The following CD2AP variants were observed in gnomAD, a reference collection of about 807,000 sequenced individuals.
CD2AP encodes CD2-associated protein.
CD2AP carries 46 observed loss-of-function variants against 85.1 expected under a neutral mutation model. That is an observed-to-expected ratio of 0.54 (90% CI 0.43 to 0.69). The LOEUF is 0.69. CD2AP is among the 30% of genes least tolerant of loss of function. The pLI is 0.00. For missense variants in CD2AP, 769 were observed against 729.5 expected (o/e 1.05, Z -0.62); for synonymous variants, 255 against 252.9 (o/e 1.01, Z -0.08).
intron 2 of CD2AP, among the ~76,000 whole-genome samples, chr6:47,510,549 T>C (rs984424570): frequency 1.3e-5 from 2 of 152,000 alleles, no homozygotes; most frequent in Admixed American, 1.3e-4. Flanking sequence ...GCTCCCAATA[T>C]CTAGAGCTGG....
At chr6:47,507,857 A>T (rs1238291851) in intron 2 of CD2AP, among the ~76,000 whole-genome samples, 1 of 152,228 alleles carries the variant, frequency 6.6e-6, no homozygotes, top group Non-Finnish European at 1.5e-5. Flanking sequence ...CTTCTTGTAC[A>T]TTTCCAACAG....
chr6:47,523,888 T>G (rs1191906838), intron 2 of CD2AP, among the ~76,000 whole-genome samples: 2 of 152,130 alleles, frequency 1.3e-5, no homozygotes, highest in Non-Finnish European at 2.9e-5. Context: ...GAAACAAAAG[T>G]CAAAGCAATA....
intron 1 of CD2AP, among the ~76,000 whole-genome samples, chr6:47,486,659 A>T (rs16875982): frequency 0.076 from 11,542 of 152,166 alleles, 457 homozygotes; most frequent in South Asian, 0.13. Context: ...ATCCTTTCAG[A>T]TGTGTACTTT....
Position 47,580,846 on chromosome 6 carries a change from C to A in CD2AP, c.1009-18C>A. ...ATATGAAACTGGTCAGCCGTTTCCA[C>A]CATTATTATTTTAACAGAAACCAAA... On this transcript the variant is annotated intron_variant, in intron 9 of 17. Transcript: ENST00000359314. 1 of 1,591,276 alleles carries A rather than the reference C, an allele frequency of 6.3e-7. No individual in the cohort carries two copies. Among genetic ancestry groups the A allele is most frequent in the Non-Finnish European group, 8.6e-7 (1 of 1,159,670 alleles).
intron 12 of CD2AP, among the ~76,000 whole-genome samples, chr6:47,596,986 A>T (rs953772186): frequency 6.6e-6 from 1 of 151,472 alleles, no homozygotes; most frequent in Non-Finnish European, 1.5e-5. Context: ...TCCAAGAAGA[A>T]TATAAACATG....
chr6:47,535,708 T>C (rs1032628600), intron 3 of CD2AP, among the ~76,000 whole-genome samples: 5 of 152,352 alleles, frequency 3.3e-5, no homozygotes, highest in African/African-American at 1.2e-4. Context: ...TGATGAATTC[T>C]GAAACTGCTT....
intron 2 of CD2AP, among the ~76,000 whole-genome samples, chr6:47,510,626 A>G (rs894508487): frequency 6.6e-6 from 1 of 152,222 alleles, no homozygotes; most frequent in Non-Finnish European, 1.5e-5. Context: ...AGTATACATG[A>G]GTCCATATTG....
intron 4 of CD2AP, among the ~76,000 whole-genome samples, chr6:47,546,214 G>A (rs892196112): frequency 2.6e-5 from 4 of 152,068 alleles, no homozygotes; most frequent in African/African-American, 9.7e-5. Context: ...GCAAAATGCT[G>A]TGGGAAGTTT....
intron 2 of CD2AP, among the ~76,000 whole-genome samples, chr6:47,519,543 G>T (rs1269341490): frequency 1.3e-5 from 2 of 152,182 alleles, no homozygotes; most frequent in East Asian, 3.8e-4. Context: ...TTCTGAAGAT[G>T]CTTCACCCTA....
intron 1 of CD2AP, among the ~76,000 whole-genome samples, chr6:47,486,340 A>C (rs1384567650): frequency 6.6e-6 from 1 of 152,186 alleles, no homozygotes; most frequent in Non-Finnish European, 1.5e-5. Flanking sequence ...GATGAATGTC[A>C]TGAATGTGTT....
chr6:47,613,310 A>G lies in CD2AP; in HGVS notation c.1878+774A>G, dbSNP rs1027512552. On this transcript the variant is annotated intron_variant, in intron 17 of 17. Transcript: ENST00000359314. ...ACATTTATCAGAGGAATCACTATCT[A>G]TGGCAGCTATAGCCTTCCAAAATGT... is the stretch of plus-strand genomic sequence containing the variant. Among the ~76,000 whole-genome samples, 12 of 152,184 alleles carry G rather than the reference A, an allele frequency of 7.9e-5. No individual in the cohort carries two copies. The South Asian group carries it at 1.0e-3, about 13-fold the overall frequency.
chr6:47,574,262 T>C lies in CD2AP; in HGVS notation c.729+11T>C, dbSNP rs368107857. 31 of 1,610,974 alleles carry C rather than the reference T, an allele frequency of 1.9e-5. No individual in the cohort carries two copies. The highest frequency in any genetic ancestry group is 2.5e-5 in the Non-Finnish European group (30 of 1,177,308). ...AAAAAACCAGAAAAGGTGGTAATGA[T>C]GGACTTGTTAGATTAACTCCACTCA... is the stretch of plus-strand genomic sequence containing the variant. On this transcript the variant is annotated intron_variant, in intron 6 of 17. Transcript: ENST00000359314.
In CD2AP at chr6:47,623,291, T is replaced by C. The variant is rs137899013; in HGVS notation, c.1879-895T>C. ...GAAGCTAGCCAAAGCATGTATTGTTTATGTGCACTCTTGAGGAAGGTGATG... is the reference window on the plus strand; with the variant it reads ...GAAGCTAGCCAAAGCATGTATTGTTCATGTGCACTCTTGAGGAAGGTGATG... On this transcript the variant is annotated intron_variant, in intron 17 of 17. Transcript: ENST00000359314. Among the ~76,000 whole-genome samples, 5 of 152,344 alleles carry C rather than the reference T, an allele frequency of 3.3e-5. No homozygotes were observed. In the East Asian group the frequency reaches 9.6e-4, roughly 29 times the overall value.
intron 4 of CD2AP, among the ~76,000 whole-genome samples, chr6:47,548,281 A>T (rs778353969): frequency 2.6e-5 from 4 of 152,188 alleles, no homozygotes. Flanking sequence ...CTTTGAAAAG[A>T]TAAATAAGAT....
intron 11 of CD2AP, among the ~76,000 whole-genome samples, chr6:47,594,726 G>T (rs1245282596): frequency 6.6e-6 from 1 of 151,792 alleles, no homozygotes; most frequent in Non-Finnish European, 1.5e-5. Context: ...ATAGATTTTT[G>T]TACCAAATGA....
At chr6:47,561,903 C>A (rs1215939002) in intron 5 of CD2AP, among the ~76,000 whole-genome samples, 1 of 152,046 alleles carries the variant, frequency 6.6e-6, no homozygotes, top group Non-Finnish European at 1.5e-5. Flanking sequence ...GCGTCAACCT[C>A]CCAAGTAGGC....
chr6:47,516,328 C>G (rs115621076), intron 2 of CD2AP, among the ~76,000 whole-genome samples: 263 of 152,320 alleles, frequency 1.7e-3, no homozygotes, highest in African/African-American at 6.1e-3. Context: ...GACAGAGCAA[C>G]AGAGCATAGA....
intron 2 of CD2AP, among the ~76,000 whole-genome samples, chr6:47,529,187 C>A (rs1766805988): frequency 2.2e-4 from 1 of 4,524 alleles, no homozygotes; most frequent in Non-Finnish European, 6.3e-4. Flanking sequence ...AGTACTGCCC[C>A]CCCCCCCCCC....
At chr6:47,561,737 GA>G (rs1229586386) in intron 5 of CD2AP, among the ~76,000 whole-genome samples, 4 of 152,024 alleles carry the variant, frequency 2.6e-5, no homozygotes, top group Non-Finnish European at 5.9e-5. Flanking sequence ...ATTGACCATA[GA>G]AATGTGTGAA....
Sources: gnomAD v4.1 joint callset for allele counts (sites outside exome capture counted in the v4.1 genomes callset) on GRCh38, gnomAD v4.1.1 for gene constraint, MANE v1.5 for transcripts, NCBI Gene and HGNC (gene_info 2026-07-23, HGNC 2026-07-21) for gene names.